PTPN14: variants seen among roughly 807,000 people sequenced by gnomAD.
The protein encoded by PTPN14 is tyrosine-protein phosphatase non-receptor type 14.
A neutral mutation model predicts 126.8 loss-of-function variants in PTPN14; 53 were observed. That is an observed-to-expected ratio of 0.42 (90% confidence interval 0.34 to 0.53). PTPN14 has a LOEUF of 0.53. PTPN14 is among the 20% of genes least tolerant of loss of function. The probability of loss-of-function intolerance (pLI) is 0.08; values close to 1 mark genes in which losing one functional copy is unlikely to be tolerated. For synonymous variants in PTPN14, 630 were observed against 599.3 expected, an observed-to-expected ratio of 1.05 and a Z score of -0.75; for missense variants, 1,257 against 1,552.9, an observed-to-expected ratio of 0.81 and a Z score of 3.20.
chr1:214,358,951 C>T (rs1657889274), intron 18 of PTPN14, among the ~76,000 whole-genome samples: 1 of 151,516 alleles, frequency 6.6e-6, no homozygotes. Flanking sequence ...GTCCTGTTGG[C>T]CAGGGTGGTC....
At chr1:214,514,735 G>A (rs1485832033) in intron 1 of PTPN14, among the ~76,000 whole-genome samples, 1 of 152,136 alleles carries the variant, frequency 6.6e-6, no homozygotes, top group Non-Finnish European at 1.5e-5. Context: ...CATGACCCCA[G>A]CTCAAACCAC....
rs555558933 is a variant in PTPN14, at chr1:214,398,827, G to A, written c.670-826C>T. On this transcript the variant is annotated intron_variant, in intron 7 of 18. Transcript: ENST00000366956. ...TGTTGCCAGGCTGGGGTGCAGTGGC[G>A]TGATCCCGGCTAACTGCAACCTCCA... Among the ~76,000 whole-genome samples, 22 of 151,204 alleles carry A rather than the reference G, an allele frequency of 1.5e-4. No homozygotes were observed. In the South Asian group the frequency reaches 2.3e-3, roughly 16 times the overall value.
At chr1:214,421,930 G>A (rs773849960) in intron 3 of PTPN14, among the ~76,000 whole-genome samples, 7 of 152,014 alleles carry the variant, frequency 4.6e-5, no homozygotes, top group South Asian at 2.1e-4. Flanking sequence ...TTTCACATCC[G>A]CCACTATACT....
chr1:214,471,952 A>G (rs4655350), intron 1 of PTPN14, among the ~76,000 whole-genome samples: 125,663 of 152,078 alleles, frequency 0.83, 52,025 homozygotes, highest in African/African-American at 0.89. Flanking sequence ...CCATGAGGCC[A>G]TGTCTCTACA....
rs748755830 is a variant in PTPN14, at chr1:214,383,696, G to A, written c.2159C>T (p.Ser720Leu). The A allele has an allele frequency of 9.9e-6, 16 of 1,613,222 alleles. No individual in the cohort carries two copies. Among genetic ancestry groups the A allele is most frequent in the Admixed American group, 8.3e-5 (5 of 60,000 alleles). The change falls in exon 13 of 19, where the codon TCG (serine) becomes TTG (leucine). Residue 720 changes from serine (S) to leucine (L), a missense_variant. By Grantham distance (145) the Ser-to-Leu change is moderately radical. Coordinates refer to ENST00000366956, the MANE Select transcript of PTPN14 (RefSeq NM_005401.5). This position sits in a 1 kb window ranked among gnomAD's most constrained non-coding sequence, Gnocchi z 4.4. ...SEEEEEEAPESVPQIPMLREK... is the reference protein window; with the variant it reads ...SEEEEEEAPELVPQIPMLREK... ...CCGGAGCATGGGGATCTGGGGCACC[G>A]ATTCTGGAGCCTCCTCCTCCTCCTC... is the stretch of plus-strand genomic sequence containing the variant.
At chr1:214,439,301 T>A (rs1367948273) in intron 3 of PTPN14, among the ~76,000 whole-genome samples, 2 of 152,214 alleles carry the variant, frequency 1.3e-5, no homozygotes, top group East Asian at 3.8e-4. Flanking sequence ...ACCGACCTTT[T>A]TCATGTTTTC....
intron 3 of PTPN14, among the ~76,000 whole-genome samples, chr1:214,433,947 CACACA>C (rs1339198565): frequency 4.3e-5 from 1 of 23,346 alleles, no homozygotes; most frequent in African/African-American, 1.4e-4. Flanking sequence ...CACACACACA[CACACA>C]AAAAAAAAAA....
At chr1:214,412,207 T>C (rs556165367) in intron 4 of PTPN14, among the ~76,000 whole-genome samples, 1 of 152,332 alleles carries the variant, frequency 6.6e-6, no homozygotes, top group Admixed American at 6.5e-5. Flanking sequence ...CAAATATCTT[T>C]ACACCTTCTA....
intron 1 of PTPN14, among the ~76,000 whole-genome samples, chr1:214,478,008 T>G (rs1660902926): frequency 6.6e-6 from 1 of 152,194 alleles, no homozygotes; most frequent in South Asian, 2.1e-4. Context: ...GCGTACTTCT[T>G]CTTCAATTAG....
chr1:214,430,634 G>A (rs1659777896), intron 3 of PTPN14, among the ~76,000 whole-genome samples: 1 of 152,162 alleles, frequency 6.6e-6, no homozygotes, highest in African/African-American at 2.4e-5. Context: ...TCTCCAGCCT[G>A]CTGGCCTGCC....
At chr1:214,412,170 C>T (rs1264041963) in intron 4 of PTPN14, among the ~76,000 whole-genome samples, 1 of 152,190 alleles carries the variant, frequency 6.6e-6, no homozygotes. Flanking sequence ...GAAATTCCCA[C>T]TGTAAATCAC....
At position 214,511,796 on chromosome 1, in the gene PTPN14, G is replaced by C. The variant is rs114893615; in HGVS notation, c.-155+39387C>G. On this transcript the variant is annotated intron_variant, in intron 1 of 18. Transcript: ENST00000366956. Reference sequence around the variant, plus strand: ...AGTGTCCATCAACACATGAATGGTTGGATAAACAACTTGTGGTCTATACAT... The same window carrying C: ...AGTGTCCATCAACACATGAATGGTTCGATAAACAACTTGTGGTCTATACAT... Among the ~76,000 whole-genome samples the C allele has an allele frequency of 2.5e-3, 377 of 152,234 alleles. 1 individual carries two copies. Among genetic ancestry groups the C allele is most frequent in the African/African-American group, 8.0e-3 (333 of 41,548 alleles).
At chr1:214,390,697 T>C (rs1302698320) in intron 11 of PTPN14, among the ~76,000 whole-genome samples, 2 of 152,148 alleles carry the variant, frequency 1.3e-5, no homozygotes, top group African/African-American at 2.4e-5. Flanking sequence ...AGCAAGGGAA[T>C]GAAAACACAC....
At chr1:214,538,694 TC>T (rs1296518505) in intron 1 of PTPN14, among the ~76,000 whole-genome samples, 6 of 152,108 alleles carry the variant, frequency 3.9e-5, no homozygotes, top group Non-Finnish European at 5.9e-5. Context: ...GGCTTACAAC[TC>T]CCCAGCCTGC....
intron 2 of PTPN14, among the ~76,000 whole-genome samples, chr1:214,453,389 A>G (rs775644774): frequency 1.5e-4 from 23 of 152,216 alleles, no homozygotes; most frequent in Non-Finnish European, 2.6e-4. Flanking sequence ...AGGTCAGTCC[A>G]TCTCCCATCT....
Position 214,370,358 on chromosome 1 carries a change from A to G in PTPN14, c.3037-667T>C, listed in dbSNP as rs116288679. On this transcript the variant is annotated intron_variant, in intron 16 of 18. Coordinates refer to ENST00000366956, the MANE Select transcript of PTPN14 (RefSeq NM_005401.5). ...GTGACATGTGAGGGGCCAGGCGATC[A>G]GAGAGGAGACTGGAAAGGCCTCACA... 6.4e-3 allele frequency among the ~76,000 whole-genome samples: 971 copies of G among 152,136 alleles called. 7 individuals are homozygous for G. Among genetic ancestry groups the G allele is most frequent in the African/African-American group, 0.022 (919 of 41,524 alleles).
chr1:214,483,429 G>C, intron 1 of PTPN14: 10 of 1,302,806 alleles, frequency 7.7e-6, no homozygotes, highest in Non-Finnish European at 1.1e-5. Flanking sequence ...TGGCCAGGGC[G>C]GGAGCGGGCG....
At chr1:214,529,710 C>T (rs1356025810) in intron 1 of PTPN14, 1 of 152,208 alleles carries the variant, frequency 6.6e-6, no homozygotes, top group Non-Finnish European at 1.5e-5. Flanking sequence ...ATGGCAAAAC[C>T]CCATCTCTAC....
chr1:214,523,532 C>T (rs145319683), intron 1 of PTPN14, among the ~76,000 whole-genome samples: 2,373 of 152,304 alleles, frequency 0.016, 61 homozygotes, highest in African/African-American at 0.052. Context: ...GTGTAGTAGG[C>T]TCTACCATCT....
Sources: gnomAD v4.1 joint callset for allele counts (sites outside exome capture counted in the v4.1 genomes callset) on GRCh38, gnomAD v4.1.1 for gene constraint, Gnocchi (gnomAD v3.1) non-coding constraint, MANE v1.5 for transcripts, NCBI Gene and HGNC (gene_info 2026-07-23, HGNC 2026-07-21) for gene names.